Variants in RALYL observed in about 807,000 individuals in gnomAD.
The protein encoded by RALYL is RNA-binding Raly-like protein.
Under a neutral mutation model 35.1 loss-of-function variants are expected in RALYL, and 29 were observed. The observed-to-expected ratio is 0.83, with a 90% CI of 0.61 to 1.13. RALYL has a LOEUF of 1.13. Ranked by LOEUF, RALYL falls within the 50% of genes most tolerant of loss-of-function variation. RALYL has a pLI of 0.00. For missense variants in RALYL, 359 were observed against 360.4 expected (o/e 1.00, Z 0.03); for synonymous variants, 120 against 127.6 (o/e 0.94, Z 0.40).
intron 2 of RALYL, chr8:84,679,446 C>T (rs1834907940): frequency 3.3e-6 from 1 of 300,576 alleles, no homozygotes. Flanking sequence ...AGGTGCAAGA[C>T]ACTCTGTGCT....
At chr8:84,358,796 T>TGTG (rs1852369728) in intron 1 of RALYL, among the ~76,000 whole-genome samples, 1 of 152,000 alleles carries the variant, frequency 6.6e-6, no homozygotes, top group African/African-American at 2.4e-5. Flanking sequence ...ATGTCTTAGA[T>TGTG]GTGGATAACA....
At chr8:84,696,822 C>T (rs1035603126) in intron 2 of RALYL, among the ~76,000 whole-genome samples, 1 of 151,892 alleles carries the variant, frequency 6.6e-6, no homozygotes, top group Non-Finnish European at 1.5e-5. Context: ...ATGGCAAATG[C>T]AGAGTTTATT....
intron 2 of RALYL, among the ~76,000 whole-genome samples, chr8:84,673,793 C>T (rs541883835): frequency 3.3e-5 from 5 of 152,102 alleles, no homozygotes; most frequent in Non-Finnish European, 7.4e-5. Flanking sequence ...CTGTAGTATA[C>T]TTTGAAGTTG....
At chr8:84,444,851 A>G (rs968638745) in intron 1 of RALYL, among the ~76,000 whole-genome samples, 1 of 152,118 alleles carries the variant, frequency 6.6e-6, no homozygotes, top group African/African-American at 2.4e-5. Context: ...TCAGAAATGG[A>G]TATGAGAACT....
chr8:84,378,632 A>G (rs184550795), intron 1 of RALYL, among the ~76,000 whole-genome samples: 54 of 151,986 alleles, frequency 3.6e-4, no homozygotes, highest in African/African-American at 1.3e-3. Flanking sequence ...CTCATAAACT[A>G]TGGCCTTTGT....
chr8:84,395,563 T>C (rs1861601544), intron 1 of RALYL, among the ~76,000 whole-genome samples: 1 of 152,040 alleles, frequency 6.6e-6, no homozygotes, highest in South Asian at 2.1e-4. Context: ...CTTCAGATTA[T>C]TATAGAAATT....
chr8:84,795,392 G>GT (rs1173444494), intron 3 of RALYL, among the ~76,000 whole-genome samples: 2 of 152,006 alleles, frequency 1.3e-5, no homozygotes, highest in Non-Finnish European at 2.9e-5. Flanking sequence ...TTTTATCTCT[G>GT]TTTTTGTCAT....
chr8:84,709,352 G>A (rs1370919189), intron 2 of RALYL, among the ~76,000 whole-genome samples: 3 of 151,792 alleles, frequency 2.0e-5, no homozygotes, highest in African/African-American at 7.3e-5. Context: ...GTTACTACAA[G>A]GTTACTACAT....
chr8:84,457,243 C>T (rs983543845), intron 1 of RALYL, among the ~76,000 whole-genome samples: 2 of 151,948 alleles, frequency 1.3e-5, no homozygotes, highest in African/African-American at 4.8e-5. Context: ...TGTACCATAA[C>T]TCATAGAATA....
At chr8:84,536,996 A>G (rs1186369139) in intron 2 of RALYL, among the ~76,000 whole-genome samples, 2 of 151,778 alleles carry the variant, frequency 1.3e-5, no homozygotes, top group Admixed American at 6.6e-5. Flanking sequence ...TAAACATCCA[A>G]TTTTCCTACC....
intron 1 of RALYL, among the ~76,000 whole-genome samples, chr8:84,380,563 G>C (rs1054479873): frequency 1.3e-5 from 2 of 151,846 alleles, no homozygotes; most frequent in Non-Finnish European, 2.9e-5. Flanking sequence ...AAACGGGAAA[G>C]CTTACTCTTT....
chr8:84,516,594 C>A (rs958638864), intron 1 of RALYL, among the ~76,000 whole-genome samples: 1 of 152,076 alleles, frequency 6.6e-6, no homozygotes, highest in African/African-American at 2.4e-5. Context: ...ACAAACCAAG[C>A]AAAGTTGTAT....
chr8:84,185,478 T>C lies in RALYL; in HGVS notation c.-24+1054T>C, dbSNP rs145457715. ...TTTCAGTATAATTTAGCATTACTTT[T>C]CAGAGACGTACCAGTTGGCAATAAA... On this transcript the variant is annotated intron_variant, in intron 1 of 8. Transcript: ENST00000521268. Among the ~76,000 whole-genome samples the C allele has an allele frequency of 3.4e-3, 524 of 152,316 alleles. 4 individuals carry two copies. Among genetic ancestry groups the C allele is most frequent in the African/African-American group, 0.012 (493 of 41,564 alleles).
chr8:84,658,917 A>T (rs377091837), intron 2 of RALYL, among the ~76,000 whole-genome samples: 1 of 152,072 alleles, frequency 6.6e-6, no homozygotes, highest in East Asian at 1.9e-4. Context: ...TGCCGTGAAA[A>T]CACAAGGGCT....
intron 3 of RALYL, among the ~76,000 whole-genome samples, chr8:84,783,249 A>G (rs1818618462): frequency 6.6e-6 from 1 of 152,196 alleles, no homozygotes; most frequent in East Asian, 1.9e-4. Context: ...GGGGAAATGT[A>G]ATTAAAACAA....
intron 1 of RALYL, among the ~76,000 whole-genome samples, chr8:84,372,723 C>T (rs1415116262): frequency 2.0e-5 from 3 of 151,660 alleles, no homozygotes. Context: ...AGTAATATTC[C>T]TTTGGGTATA....
chr8:84,375,914 G>C (rs1856817799), intron 1 of RALYL, among the ~76,000 whole-genome samples: 1 of 151,830 alleles, frequency 6.6e-6, no homozygotes, highest in Admixed American at 6.6e-5. Context: ...CTCCAAAAAA[G>C]ACTGTGATTT....
intron 1 of RALYL, among the ~76,000 whole-genome samples, chr8:84,398,081 A>C (rs2042524250): frequency 6.6e-6 from 1 of 152,248 alleles, no homozygotes; most frequent in African/African-American, 2.4e-5. Context: ...TTAAGTGTAG[A>C]GAATGGCACA....
chr8:84,540,824 T>TA (rs1201240548), intron 2 of RALYL, among the ~76,000 whole-genome samples: 3 of 152,064 alleles, frequency 2.0e-5, no homozygotes, highest in Non-Finnish European at 4.4e-5. Context: ...AATACAGATC[T>TA]AATTGCCTTC....
Sources: gnomAD v4.1 joint callset for allele counts (sites outside exome capture counted in the v4.1 genomes callset) on GRCh38, gnomAD v4.1.1 for gene constraint, MANE v1.5 for transcripts, NCBI Gene and HGNC (gene_info 2026-07-23, HGNC 2026-07-21) for gene names.